The following PAPOLA variants were observed in gnomAD, a reference collection of about 807,000 sequenced individuals.
PAPOLA encodes poly(A) polymerase alpha.
In PAPOLA, 15 loss-of-function variants were observed where a neutral mutation model predicts 100.6. That is an observed-to-expected ratio of 0.15 (90% CI 0.10 to 0.23). The LOEUF (loss-of-function observed/expected upper bound fraction) is 0.23, where lower values mean the gene tolerates loss of function less well. PAPOLA is among the 10% of genes least tolerant of loss of function. PAPOLA has a pLI of 1.00. For synonymous variants in PAPOLA, 293 were observed against 300.0 expected (o/e 0.98, Z 0.24); for missense variants, 533 against 884.2 (o/e 0.60, Z 5.04).
At chr14:96,539,336 T>C (rs908228793) in intron 12 of PAPOLA, among the ~76,000 whole-genome samples, 1 of 152,080 alleles carries the variant, frequency 6.6e-6, no homozygotes, top group African/African-American at 2.4e-5. Flanking sequence ...TACGTAAACA[T>C]AGAATTGCAA....
chr14:96,506,846 A>G (rs997362688), intron 1 of PAPOLA, among the ~76,000 whole-genome samples: 11 of 152,266 alleles, frequency 7.2e-5, no homozygotes, highest in South Asian at 6.2e-4. Context: ...AATGCAACAG[A>G]GTACCAAGGG....
chr14:96,513,131 A>T (rs1179284073), intron 1 of PAPOLA, among the ~76,000 whole-genome samples: 7 of 152,142 alleles, frequency 4.6e-5, no homozygotes, highest in Admixed American at 4.6e-4. Flanking sequence ...TGGTGTGATC[A>T]CAGATCACTA....
intron 1 of PAPOLA, 139 bp downstream of exon 1, chr14:96,502,739 C>T (rs1037337129): frequency 3.5e-6 from 3 of 867,378 alleles, no homozygotes; most frequent in Middle Eastern, 3.7e-4. Flanking sequence ...GACTGGGGAC[C>T]TTCCTGTTTC....
At position 96,537,047 on chromosome 14, in the gene PAPOLA, T is replaced by C; in HGVS notation, c.1102T>C (p.Phe368Leu). The change falls in exon 12 of 22, where the codon TTT becomes CTT. Residue 368 changes from phenylalanine to leucine, a missense_variant. By Grantham distance (22) the Phe-to-Leu change is conservative. Coordinates refer to ENST00000216277, the MANE Select transcript of PAPOLA (RefSeq NM_032632.5). ...WSKLFEAPNF[F>L]QKYKHYIVLL... ...CAAACTTTTTGAAGCTCCAAACTTC[T>C]TTCAAAAGTACAAGTATGTATTTTA... 6.3e-7 allele frequency: 1 copy of C among 1,596,454 alleles called. No individual in the cohort carries two copies. Among genetic ancestry groups the C allele is most frequent in the Admixed American group, 1.7e-5 (1 of 59,988 alleles).
chr14:96,559,362 AAAG>A (rs1418833554), intron 19 of PAPOLA, among the ~76,000 whole-genome samples: 6 of 152,016 alleles, frequency 3.9e-5, no homozygotes, highest in Admixed American at 1.3e-4. Context: ...AGCAAAGCAG[AAAG>A]AAATACTGGC....
At chr14:96,521,240 G>A (rs1328234156) in intron 3 of PAPOLA, among the ~76,000 whole-genome samples, 168 bp downstream of exon 3, 1 of 152,088 alleles carries the variant, frequency 6.6e-6, no homozygotes, top group South Asian at 2.1e-4. Flanking sequence ...TAATTTGGAA[G>A]CAGGAAAAAC....
chr14:96,533,920 T>TTC, intron 9 of PAPOLA: 2 of 985,420 alleles, frequency 2.0e-6, no homozygotes, highest in Non-Finnish European at 2.4e-6. Flanking sequence ...ACCTTGATGT[T>TTC]AAGAGTGGCA....
intron 2 of PAPOLA, 45 bp from the exon 3 acceptor site, chr14:96,520,961 C>G (rs774748630): frequency 1.1e-6 from 1 of 874,448 alleles, no homozygotes; most frequent in Non-Finnish European, 1.9e-6. Flanking sequence ...GAAATTTAAT[C>G]AGTAATGATC....
intron 15 of PAPOLA, among the ~76,000 whole-genome samples, chr14:96,546,397 C>G (rs1419904446): frequency 6.6e-6 from 1 of 152,078 alleles, no homozygotes; most frequent in African/African-American, 2.4e-5. Flanking sequence ...ATTTTTAAGC[C>G]AGATCATATC....
intron 12 of PAPOLA, among the ~76,000 whole-genome samples, chr14:96,538,065 G>T (rs553084844): frequency 6.6e-6 from 1 of 152,040 alleles, no homozygotes; most frequent in South Asian, 2.1e-4. Flanking sequence ...TGTGATTTCT[G>T]TTTGACAGAT....
intron 3 of PAPOLA, among the ~76,000 whole-genome samples, chr14:96,521,533 C>T (rs1897962566): frequency 6.6e-6 from 1 of 151,948 alleles, no homozygotes; most frequent in Non-Finnish European, 1.5e-5. Context: ...CTCTGTCATT[C>T]AGGCGGAGTG....
At chr14:96,533,291 G>C (rs147177875) in intron 9 of PAPOLA, 543 of 984,542 alleles carry the variant, frequency 5.5e-4, no homozygotes, top group Middle Eastern at 1.6e-3. Context: ...GAGGGTTCTT[G>C]GTTTTTAATC....
intron 14 of PAPOLA, among the ~76,000 whole-genome samples, chr14:96,543,583 TAAGA>T: frequency 6.7e-6 from 1 of 149,414 alleles, no homozygotes; most frequent in South Asian, 2.2e-4. Flanking sequence ...TGTAATTATA[TAAGA>T]GTTTTTTTAC....
At chr14:96,512,749 C>T (rs550560147) in intron 1 of PAPOLA, among the ~76,000 whole-genome samples, 6 of 152,170 alleles carry the variant, frequency 3.9e-5, no homozygotes, top group Non-Finnish European at 7.3e-5. Flanking sequence ...AAGTTCTTTA[C>T]TGATGGATAT....
chr14:96,525,532 A>G (rs1898386139), intron 4 of PAPOLA, 141 bp downstream of exon 4: 3 of 507,426 alleles, frequency 5.9e-6, no homozygotes, highest in Non-Finnish European at 1.1e-5. Flanking sequence ...ATTTTTCAGT[A>G]AGAAAGATGT....
intron 1 of PAPOLA, among the ~76,000 whole-genome samples, chr14:96,510,026 A>G (rs191507604): frequency 2.7e-5 from 4 of 146,576 alleles, no homozygotes; most frequent in South Asian, 2.2e-4. Context: ...CTGTATAGCA[A>G]TCTCATTTGT....
At chr14:96,503,036 T>A (rs1201373344) in intron 1 of PAPOLA, 2 of 180,466 alleles carry the variant, frequency 1.1e-5, no homozygotes, top group African/African-American at 4.7e-5. Flanking sequence ...GCCCATTCGA[T>A]GTTGCTTTTC....
chr14:96,546,669 A>G (rs562747269), intron 15 of PAPOLA, among the ~76,000 whole-genome samples: 3 of 152,272 alleles, frequency 2.0e-5, no homozygotes, highest in Admixed American at 1.3e-4. Flanking sequence ...TGGTACTCAC[A>G]TGGAGCAAAA....
At chr14:96,507,335 G>A (rs192622058) in intron 1 of PAPOLA, among the ~76,000 whole-genome samples, 15 of 141,484 alleles carry the variant, frequency 1.1e-4, no homozygotes, top group African/African-American at 4.0e-4. Context: ...TCGCCCAGGC[G>A]GGAGTGCTGT....
Sources: gnomAD v4.1 joint callset for allele counts (sites outside exome capture counted in the v4.1 genomes callset) on GRCh38, gnomAD v4.1.1 for gene constraint, MANE v1.5 for transcripts, NCBI Gene and HGNC (gene_info 2026-07-23, HGNC 2026-07-21) for gene names.